NOVA1: variants seen among roughly 807,000 people sequenced by gnomAD.
The protein encoded by NOVA1 is NOVA alternative splicing regulator 1, also known as RNA-binding protein Nova-1.
In NOVA1, 7 loss-of-function variants were observed where a neutral mutation model predicts 38.0. The observed-to-expected ratio is 0.18, with a 90% CI of 0.10 to 0.35. The LOEUF (loss-of-function observed/expected upper bound fraction) is 0.35. Ranked by LOEUF, NOVA1 falls within the 10% of genes least tolerant of loss-of-function variation. The pLI is 1.00. For synonymous variants in NOVA1, 270 were observed against 232.5 expected (o/e 1.16, Z -1.47); for missense variants, 460 against 616.0 (o/e 0.75, Z 2.68).
intron 2 of NOVA1, among the ~76,000 whole-genome samples, chr14:26,515,886 G>A (rs543351282): frequency 6.6e-6 from 1 of 152,014 alleles, no homozygotes; most frequent in East Asian, 1.9e-4. Flanking sequence ...ATGTATACAT[G>A]TATACATAAA....
chr14:26,587,171 T>C (rs77318195), intron 2 of NOVA1, among the ~76,000 whole-genome samples: 9 of 150,530 alleles, frequency 6.0e-5, no homozygotes, highest in African/African-American at 2.2e-4. Context: ...TAAATGAAAG[T>C]TTTAGAAGAG....
chr14:26,467,458 T>C (rs1251489235), intron 4 of NOVA1, among the ~76,000 whole-genome samples: 1 of 151,588 alleles, frequency 6.6e-6, no homozygotes, highest in Non-Finnish European at 1.5e-5. Context: ...AAATAGAGAG[T>C]AGAGATAATA....
At chr14:26,486,935 G>A (rs914662397) in intron 2 of NOVA1, among the ~76,000 whole-genome samples, 1 of 151,834 alleles carries the variant, frequency 6.6e-6, no homozygotes, top group Non-Finnish European at 1.5e-5. Context: ...AAAACACAAA[G>A]TATCCTTTCA....
At chr14:26,535,557 A>C (rs1460904825) in intron 2 of NOVA1, among the ~76,000 whole-genome samples, 3 of 152,216 alleles carry the variant, frequency 2.0e-5, no homozygotes, top group African/African-American at 7.2e-5. Context: ...CCTTTCTCAA[A>C]AAACCCTGGC....
chr14:26,470,379 A>G (rs931445405), intron 4 of NOVA1: 4 of 1,509,956 alleles, frequency 2.6e-6, no homozygotes, highest in South Asian at 2.3e-5. Flanking sequence ...AAATAATTAC[A>G]AAGTATTAAT....
chr14:26,524,492 T>G (rs192603346), intron 2 of NOVA1, among the ~76,000 whole-genome samples: 2 of 152,248 alleles, frequency 1.3e-5, no homozygotes, highest in African/African-American at 4.8e-5. Context: ...TAATATGAAT[T>G]CTACTCAACA....
intron 2 of NOVA1, among the ~76,000 whole-genome samples, chr14:26,564,206 C>A (rs1461729146): frequency 6.6e-6 from 1 of 152,108 alleles, no homozygotes; most frequent in Non-Finnish European, 1.5e-5. Flanking sequence ...TACATAACTT[C>A]ACCATTTCAT....
At chr14:26,562,351 A>G (rs1222307196) in intron 2 of NOVA1, among the ~76,000 whole-genome samples, 1 of 152,170 alleles carries the variant, frequency 6.6e-6, no homozygotes, top group African/African-American at 2.4e-5. Context: ...TGGTTTGAGT[A>G]TCAAATGAAA....
At chr14:26,542,389 T>C (rs1890518352) in intron 2 of NOVA1, among the ~76,000 whole-genome samples, 1 of 151,868 alleles carries the variant, frequency 6.6e-6, no homozygotes, top group South Asian at 2.1e-4. Flanking sequence ...ACTACATGTA[T>C]TAAATAATTC....
chr14:26,515,229 G>A (rs116915125), intron 2 of NOVA1, among the ~76,000 whole-genome samples: 1,701 of 151,876 alleles, frequency 0.011, 10 homozygotes, highest in Non-Finnish European at 0.019. Flanking sequence ...TCTGTTTAGG[G>A]TTCCAGTTAA....
intron 2 of NOVA1, among the ~76,000 whole-genome samples, chr14:26,520,541 A>C (rs1246453775): frequency 6.6e-6 from 1 of 152,306 alleles, no homozygotes; most frequent in Admixed American, 6.5e-5. Context: ...CCGTGGCACT[A>C]ATAAACTGAA....
intron 4 of NOVA1, among the ~76,000 whole-genome samples, chr14:26,460,718 CT>C: frequency 6.6e-6 from 1 of 152,074 alleles, no homozygotes; most frequent in Middle Eastern, 3.4e-3. Flanking sequence ...AGGAAAAACA[CT>C]TTTTTTAATT....
chr14:26,461,506 A>G (rs1172060636), intron 4 of NOVA1, among the ~76,000 whole-genome samples: 1 of 152,120 alleles, frequency 6.6e-6, no homozygotes, highest in Non-Finnish European at 1.5e-5. Flanking sequence ...ACTGGTGTGG[A>G]TAATAGACTA....
chr14:26,489,779 T>C (rs1159049370), intron 2 of NOVA1, among the ~76,000 whole-genome samples: 5 of 152,014 alleles, frequency 3.3e-5, no homozygotes, highest in Non-Finnish European at 1.5e-5. Flanking sequence ...CAGGTTACAG[T>C]GACCAGAGAT....
Position 26,544,691 on chromosome 14 carries a change from TGA to T in NOVA1, c.280+50717_280+50718del, listed in dbSNP as rs144125906. ...AGTGAGAAAAGAAGGAATGAAAGAATGAGAGAGAGAAAGAAAAAAATTGAGAA... is the reference window on the plus strand; with the variant it reads ...AGTGAGAAAAGAAGGAATGAAAGAATGAGAGAGAAAGAAAAAAATTGAGAA... On this transcript the variant is annotated intron_variant, in intron 2 of 4. Transcript: ENST00000539517. Among the ~76,000 whole-genome samples, 28 of 151,346 alleles carry T rather than the reference TGA, an allele frequency of 1.9e-4. No homozygotes were observed. In the East Asian group the frequency reaches 4.9e-3, roughly 26 times the overall value.
intron 2 of NOVA1, among the ~76,000 whole-genome samples, chr14:26,501,364 G>A (rs1447893429): frequency 2.0e-5 from 3 of 152,042 alleles, no homozygotes; most frequent in Non-Finnish European, 2.9e-5. Flanking sequence ...TAGGGAAGAC[G>A]AGTTAGATGT....
intron 2 of NOVA1, among the ~76,000 whole-genome samples, chr14:26,589,579 C>T (rs1164373736): frequency 6.6e-6 from 1 of 151,708 alleles, no homozygotes; most frequent in African/African-American, 2.4e-5. Context: ...AAAGATACAA[C>T]TTAAATTTTA....
At chr14:26,589,384 T>A in intron 2 of NOVA1, among the ~76,000 whole-genome samples, 1 of 151,648 alleles carries the variant, frequency 6.6e-6, no homozygotes, top group East Asian at 1.9e-4. Flanking sequence ...CAGAAATAAA[T>A]GACACAGTAA....
chr14:26,469,711 T>A (rs1884433817), intron 4 of NOVA1, among the ~76,000 whole-genome samples: 1 of 152,130 alleles, frequency 6.6e-6, no homozygotes, highest in Admixed American at 6.6e-5. Context: ...CGCCTCAGCC[T>A]CCAGGTAGCT....
Sources: gnomAD v4.1 joint callset for allele counts (sites outside exome capture counted in the v4.1 genomes callset) on GRCh38, gnomAD v4.1.1 for gene constraint, MANE v1.5 for transcripts, NCBI Gene and HGNC (gene_info 2026-07-23, HGNC 2026-07-21) for gene names.